XKR4: variants seen among roughly 807,000 people sequenced by gnomAD.
XKR4 encodes XK related 4, also known as XK-related protein 4.
XKR4 carries 12 observed loss-of-function variants against 53.9 expected under a neutral mutation model. That is an observed-to-expected ratio of 0.22 (90% CI 0.14 to 0.36). The LOEUF (loss-of-function observed/expected upper bound fraction) is 0.36, where lower values mean the gene tolerates loss of function less well. Ranked by LOEUF, XKR4 falls within the 10% of genes least tolerant of loss-of-function variation. The probability of loss-of-function intolerance (pLI) is 1.00; values close to 1 mark genes in which losing one functional copy is unlikely to be tolerated. For missense variants in XKR4, 799 were observed against 859.5 expected, an observed-to-expected ratio of 0.93 and a Z score of 0.88; for synonymous variants, 354 against 362.4, an observed-to-expected ratio of 0.98 and a Z score of 0.26.
intron 1 of XKR4, among the ~76,000 whole-genome samples, chr8:55,341,895 A>G (rs1803553021): frequency 6.6e-6 from 1 of 152,042 alleles, no homozygotes; most frequent in East Asian, 1.9e-4. Context: ...GTAAGGATGC[A>G]CAGGAAGACA....
intron 1 of XKR4, among the ~76,000 whole-genome samples, chr8:55,127,686 C>T (rs1816491304): frequency 9.9e-6 from 1 of 100,758 alleles, no homozygotes; most frequent in Non-Finnish European, 2.3e-5. Flanking sequence ...CACCCATGAA[C>T]TCGTCATTTA....
At chr8:55,239,417 T>G (rs945454980) in intron 1 of XKR4, among the ~76,000 whole-genome samples, 2 of 152,214 alleles carry the variant, frequency 1.3e-5, no homozygotes, top group African/African-American at 4.8e-5. Flanking sequence ...CCAGAGCAAT[T>G]TAGAAATGCC....
intron 1 of XKR4, among the ~76,000 whole-genome samples, chr8:55,220,050 C>T (rs544745676): frequency 3.9e-5 from 6 of 152,072 alleles, no homozygotes; most frequent in East Asian, 1.9e-4. Context: ...AAATTGCTAA[C>T]GAATAGATTT....
intron 1 of XKR4, among the ~76,000 whole-genome samples, chr8:55,303,498 G>A (rs1206299206): frequency 2.6e-5 from 4 of 152,200 alleles, no homozygotes; most frequent in Non-Finnish European, 4.4e-5. Context: ...GTATCAGGAT[G>A]ATGCTGGCCT....
chr8:55,352,572 G>A (rs771147507), intron 1 of XKR4, among the ~76,000 whole-genome samples: 40 of 152,268 alleles, frequency 2.6e-4, no homozygotes, highest in South Asian at 1.2e-3. Context: ...ATCCATTAGC[G>A]TTTTCAAAGT....
chr8:55,360,621 T>G (rs975635099), intron 2 of XKR4, among the ~76,000 whole-genome samples: 10 of 152,308 alleles, frequency 6.6e-5, no homozygotes, highest in African/African-American at 2.4e-4. Flanking sequence ...AACATTCTTA[T>G]TTAGCAGGGA....
intron 2 of XKR4, among the ~76,000 whole-genome samples, chr8:55,441,501 C>A (rs1805266002): frequency 6.6e-6 from 1 of 151,996 alleles, no homozygotes; most frequent in East Asian, 1.9e-4. Context: ...ATTTTTTAAG[C>A]TTGATCTAAC....
chr8:55,259,038 G>A (rs951037328), intron 1 of XKR4, among the ~76,000 whole-genome samples: 16 of 152,216 alleles, frequency 1.1e-4, no homozygotes, highest in Admixed American at 9.8e-4. Flanking sequence ...TCAGGCATTC[G>A]TGTCCCTGCC....
chr8:55,133,162 A>G (rs1326423741), intron 1 of XKR4, among the ~76,000 whole-genome samples: 2 of 152,220 alleles, frequency 1.3e-5, no homozygotes, highest in Non-Finnish European at 2.9e-5. Context: ...AAAAATACGA[A>G]CAATTAATGG....
intron 1 of XKR4, among the ~76,000 whole-genome samples, chr8:55,335,211 C>T (rs753578847): frequency 9.2e-5 from 14 of 152,054 alleles, no homozygotes; most frequent in Non-Finnish European, 1.5e-4. Context: ...ATTAAGGAAA[C>T]CCAAGAAGCA....
At chr8:55,302,660 C>T (rs548005498) in intron 1 of XKR4, among the ~76,000 whole-genome samples, 185 of 152,236 alleles carry the variant, frequency 1.2e-3, no homozygotes, top group African/African-American at 4.3e-3. Context: ...TTTGTATCCT[C>T]TTTTATTTCC....
intron 1 of XKR4, among the ~76,000 whole-genome samples, chr8:55,205,851 C>T (rs1033553022): frequency 6.6e-6 from 1 of 152,050 alleles, no homozygotes; most frequent in Non-Finnish European, 1.5e-5. Context: ...AGTCGCGGAC[C>T]CTCGTGGTGA....
intron 1 of XKR4, among the ~76,000 whole-genome samples, chr8:55,133,901 G>A (rs1399977447): frequency 1.3e-5 from 2 of 152,146 alleles, no homozygotes; most frequent in Non-Finnish European, 2.9e-5. Flanking sequence ...AGTTAATATT[G>A]TTAGAAGCTT....
chr8:55,530,500 G>T lies in XKR4; in HGVS notation c.*6273G>T, dbSNP rs1045918511. ...ATATAGCATGTCTGAAGGTCTGCAA[G>T]ATGACAGAGTTGTAACCCATTCAAT... is the stretch of plus-strand genomic sequence containing the variant. On this transcript the variant is annotated 3_prime_UTR_variant, in exon 3 of 3. Transcript: ENST00000327381. The T allele has an allele frequency of 6.6e-6, 1 of 152,204 alleles. No homozygotes were observed. The highest frequency in any genetic ancestry group is 2.4e-5 in the African/African-American group (1 of 41,454). 9.4% of individuals were successfully genotyped at this position (152,204 alleles called of 1,614,324 possible). A position where few individuals can be genotyped will look rare whatever the true frequency, so the allele number is the denominator to read the frequency against.
chr8:55,140,681 G>A (rs1816690849), intron 1 of XKR4, among the ~76,000 whole-genome samples: 1 of 152,160 alleles, frequency 6.6e-6, no homozygotes, highest in Non-Finnish European at 1.5e-5. Flanking sequence ...CTGGAGTGTT[G>A]CTCCAGCAGC....
intron 2 of XKR4, among the ~76,000 whole-genome samples, chr8:55,404,916 C>T (rs543333305): frequency 2.0e-5 from 3 of 152,180 alleles, no homozygotes; most frequent in East Asian, 1.9e-4. Context: ...CCTGACAAAG[C>T]GACAAGCACG....
rs1057201006 is a variant in XKR4 at position 55,438,353 on chromosome 8, C to T, written c.1006+80476C>T. 8.6e-5 allele frequency among the ~76,000 whole-genome samples: 13 copies of T among 151,778 alleles called. No individual in the cohort carries two copies. The East Asian group carries it at 1.7e-3, about 20-fold the overall frequency. ...CTGTAATCCAAGCACTTTGGGAGGC[C>T]GAGGCGGGCAGATCACAAGGTCAGG... On this transcript the variant is annotated intron_variant, in intron 2 of 2. Coordinates refer to ENST00000327381, the MANE Select transcript of XKR4 (RefSeq NM_052898.2).
At chr8:55,142,342 A>G (rs1281412842) in intron 1 of XKR4, 2 of 365,806 alleles carry the variant, frequency 5.5e-6, no homozygotes, top group Admixed American at 3.4e-5. Context: ...CCTCTTTCCT[A>G]CTTCCTCATC....
chr8:55,363,677 C>T (rs529955709), intron 2 of XKR4, among the ~76,000 whole-genome samples: 1 of 152,264 alleles, frequency 6.6e-6, no homozygotes, highest in East Asian at 1.9e-4. Flanking sequence ...CCCAGTCACC[C>T]CTGTGCCCAA....
Sources: allele counts gnomAD v4.1 joint callset (sites outside exome capture counted in the v4.1 genomes callset), GRCh38; gene constraint gnomAD v4.1.1; transcripts MANE v1.5; gene names NCBI Gene and HGNC (gene_info 2026-07-23, HGNC 2026-07-21).